The following KCNAB1 variants were observed in gnomAD, a reference collection of about 807,000 sequenced individuals.
KCNAB1 encodes potassium voltage-gated channel subfamily A regulatory beta subunit 1.
A neutral mutation model predicts 64.6 loss-of-function variants in KCNAB1; 35 were observed. The observed-to-expected ratio is 0.54, with a 90% CI of 0.41 to 0.72. KCNAB1 has a LOEUF of 0.72. Ranked by LOEUF, KCNAB1 falls within the 30% of genes least tolerant of loss-of-function variation. The pLI is 0.00. For missense variants in KCNAB1, 401 were observed against 512.9 expected (o/e 0.78, Z 2.11); for synonymous variants, 177 against 183.8 (o/e 0.96, Z 0.30).
intron 1 of KCNAB1, among the ~76,000 whole-genome samples, chr3:156,188,500 G>A (rs1713346782): frequency 6.6e-6 from 1 of 152,110 alleles, no homozygotes; most frequent in South Asian, 2.1e-4. Context: ...CAAAAGAAAT[G>A]CATGCTCATG....
At chr3:156,322,487 G>A (rs933966640) in intron 1 of KCNAB1, among the ~76,000 whole-genome samples, 2 of 152,064 alleles carry the variant, frequency 1.3e-5, no homozygotes, top group Non-Finnish European at 2.9e-5. Flanking sequence ...TATTTACATA[G>A]CATTTACACT....
intron 1 of KCNAB1, among the ~76,000 whole-genome samples, chr3:156,127,918 T>TGC (rs1553805286): frequency 1.1e-4 from 16 of 149,932 alleles, no homozygotes; most frequent in South Asian, 1.1e-3. Flanking sequence ...TGTGTGTGTG[T>TGC]GCACGTGCGT....
chr3:156,472,818 C>T (rs1714026558), intron 7 of KCNAB1, among the ~76,000 whole-genome samples: 2 of 152,198 alleles, frequency 1.3e-5, no homozygotes, highest in South Asian at 2.1e-4. Context: ...CTTTAAACCC[C>T]GAGAGCCTGG....
At position 156,120,851 on chromosome 3, in the gene KCNAB1, G is replaced by A. The variant is rs1713300305; in HGVS notation, c.240G>A (p.Glu80=). 2.5e-6 allele frequency: 4 copies of A among 1,614,066 alleles called. 1 individual carries two copies. The highest frequency in any genetic ancestry group is 3.3e-5 in the Admixed American group (2 of 60,012). Residue 80 remains glutamate (E), a synonymous_variant, in exon 1 of 14, where the codon GAG becomes GAA. Coordinates refer to ENST00000490337, the MANE Select transcript of KCNAB1 (RefSeq NM_172160.3). ...WYLKLCDLSS[E]HTTVCTTGMP... is the part of the protein sequence containing the mutation. ...TAAAGCTCTGCGACCTGTCCAGCGA[G>A]CACACCACCGTCTGCACCACAGGCA...
At chr3:156,315,799 T>C (rs1343886429) in intron 1 of KCNAB1, among the ~76,000 whole-genome samples, 1 of 152,184 alleles carries the variant, frequency 6.6e-6, no homozygotes, top group East Asian at 1.9e-4. Context: ...CTGATAATGG[T>C]GAATACAATT....
At chr3:156,532,989 G>A (rs1398382895) in intron 13 of KCNAB1, among the ~76,000 whole-genome samples, 1 of 152,196 alleles carries the variant, frequency 6.6e-6, no homozygotes, top group Non-Finnish European at 1.5e-5. Flanking sequence ...TGTGCTGGCT[G>A]AGAAACAGTG....
At chr3:156,304,930 A>G (rs570901329) in intron 1 of KCNAB1, among the ~76,000 whole-genome samples, 1 of 152,276 alleles carries the variant, frequency 6.6e-6, no homozygotes, top group Admixed American at 6.5e-5. Flanking sequence ...TTAGTCCATA[A>G]TTTATATCGA....
At chr3:156,153,439 A>G (rs980161234) in intron 1 of KCNAB1, among the ~76,000 whole-genome samples, 1 of 152,150 alleles carries the variant, frequency 6.6e-6, no homozygotes, top group Admixed American at 6.5e-5. Flanking sequence ...TACTTCAATC[A>G]TTCATTAAGT....
intron 1 of KCNAB1, chr3:156,291,776 C>G (rs1576684376): frequency 2.0e-6 from 3 of 1,507,076 alleles, no homozygotes; most frequent in South Asian, 2.7e-5. Flanking sequence ...CAGGACTCCT[C>G]TGACGGCATC....
intron 1 of KCNAB1, among the ~76,000 whole-genome samples, chr3:156,243,311 A>T (rs1283928220): frequency 6.7e-6 from 1 of 149,464 alleles, no homozygotes; most frequent in Non-Finnish European, 1.5e-5. Context: ...TGCAACCCCC[A>T]CCTCCTGGGT....
intron 2 of KCNAB1, among the ~76,000 whole-genome samples, chr3:156,442,089 C>T (rs1717047357): frequency 6.6e-6 from 1 of 152,078 alleles, no homozygotes; most frequent in African/African-American, 2.4e-5. Context: ...TTTTAAATTT[C>T]CCTATCAGGC....
At chr3:156,258,914 C>G (rs868634301) in intron 1 of KCNAB1, among the ~76,000 whole-genome samples, 2 of 152,162 alleles carry the variant, frequency 1.3e-5, no homozygotes, top group Non-Finnish European at 2.9e-5. Flanking sequence ...ATGGCAAATC[C>G]CCCTCTGCAT....
At chr3:156,181,464 G>A (rs1395957146) in intron 1 of KCNAB1, among the ~76,000 whole-genome samples, 1 of 152,240 alleles carries the variant, frequency 6.6e-6, no homozygotes, top group Non-Finnish European at 1.5e-5. Flanking sequence ...TAGCAGTGGA[G>A]TAATTTGATA....
chr3:156,298,954 A>G (rs181119459), intron 1 of KCNAB1, among the ~76,000 whole-genome samples: 34 of 152,258 alleles, frequency 2.2e-4, no homozygotes, highest in Middle Eastern at 3.2e-3. Context: ...AATATTGAGA[A>G]TTATTAATAC....
intron 1 of KCNAB1, among the ~76,000 whole-genome samples, chr3:156,274,024 G>T (rs565926901): frequency 7.2e-5 from 11 of 152,240 alleles, no homozygotes; most frequent in African/African-American, 2.4e-4. Context: ...CCAAGGTATA[G>T]AATTTGTCAC....
At chr3:156,506,097 T>C (rs768134580) in intron 8 of KCNAB1, among the ~76,000 whole-genome samples, 3 of 152,230 alleles carry the variant, frequency 2.0e-5, no homozygotes, top group East Asian at 1.9e-4. Flanking sequence ...GTAAATGATA[T>C]TGCTTTCATG....
intron 1 of KCNAB1, among the ~76,000 whole-genome samples, chr3:156,323,361 C>G (rs980771280): frequency 1.4e-4 from 22 of 152,056 alleles, no homozygotes; most frequent in Non-Finnish European, 2.8e-4. Context: ...ATGACACTTG[C>G]ATTTATTAGA....
At chr3:156,342,872 A>T (rs61458860) in intron 1 of KCNAB1, among the ~76,000 whole-genome samples, 16,848 of 152,008 alleles carry the variant, frequency 0.11, 2,979 homozygotes, top group African/African-American at 0.37. Context: ...CACCCCGCTG[A>T]GGTGCACAAG....
At chr3:156,457,590 C>A in intron 4 of KCNAB1, 58 bp downstream of exon 4, 1 of 1,420,902 alleles carries the variant, frequency 7.0e-7, no homozygotes, top group Non-Finnish European at 1.0e-6. Flanking sequence ...AAAGAATCAG[C>A]CCAGACCATT....
Sources: allele counts gnomAD v4.1 joint callset (sites outside exome capture counted in the v4.1 genomes callset), GRCh38; gene constraint gnomAD v4.1.1; transcripts MANE v1.5; gene names NCBI Gene and HGNC (gene_info 2026-07-23, HGNC 2026-07-21).